The following PLCXD2 variants were observed in gnomAD, a reference collection of about 807,000 sequenced individuals.
PLCXD2 encodes the protein phosphatidylinositol specific phospholipase C X domain containing 2, also known as PI-PLC X domain-containing protein 2.
Under a neutral mutation model 28.6 loss-of-function variants are expected in PLCXD2, and 21 were observed. The ratio of observed to expected loss-of-function variants is 0.73; its 90% CI spans 0.52 to 1.06. The LOEUF (loss-of-function observed/expected upper bound fraction) is 1.06. Ranked by LOEUF, PLCXD2 falls within the 50% of genes least tolerant of loss-of-function variation. The pLI is 0.00. For missense variants in PLCXD2, 369 were observed against 376.7 expected, an observed-to-expected ratio of 0.98 and a Z score of 0.17; for synonymous variants, 140 against 150.1, an observed-to-expected ratio of 0.93 and a Z score of 0.49.
chr3:111,697,056 G>C (rs764294752), intron 1 of PLCXD2, among the ~76,000 whole-genome samples: 1 of 152,074 alleles, frequency 6.6e-6, no homozygotes, highest in Non-Finnish European at 1.5e-5. Flanking sequence ...TTTGGTAACC[G>C]AGAAGACCTT....
intron 2 of PLCXD2, among the ~76,000 whole-genome samples, chr3:111,710,206 C>G (rs942671308): frequency 6.6e-6 from 1 of 152,208 alleles, no homozygotes; most frequent in African/African-American, 2.4e-5. Flanking sequence ...TAAAGTCTAT[C>G]TAAACAAGTT....
At chr3:111,710,673 A>G (rs1395565620) in intron 2 of PLCXD2, among the ~76,000 whole-genome samples, 1 of 152,222 alleles carries the variant, frequency 6.6e-6, no homozygotes, top group East Asian at 1.9e-4. Context: ...TATTAGGCTA[A>G]TGAAATACTT....
chr3:111,711,330 G>A (rs1941197142), intron 2 of PLCXD2, among the ~76,000 whole-genome samples: 1 of 152,210 alleles, frequency 6.6e-6, no homozygotes, highest in African/African-American at 2.4e-5. Context: ...CTTGAACCCA[G>A]GAGGCAGAGG....
chr3:111,726,883 T>A (rs868801604), intron 3 of PLCXD2: 1 of 152,216 alleles, frequency 6.6e-6, no homozygotes, highest in Non-Finnish European at 1.5e-5. Flanking sequence ...AAATATACAA[T>A]TTTGGCAGGC....
At chr3:111,688,893 T>TTATA (rs540917284) in intron 1 of PLCXD2, among the ~76,000 whole-genome samples, 4 of 151,022 alleles carry the variant, frequency 2.6e-5, no homozygotes, top group Non-Finnish European at 5.9e-5. Context: ...AATAAATATG[T>TTATA]TATATATATA....
rs749792529 is a variant in PLCXD2, at chr3:111,675,472, G to A, written c.163+64G>A. ...TCTGCCATTTTAGTGTTGTTAAGGG[G>A]TTGGGTTGCTTTTCTATTGTGCTGA... On this transcript the variant is annotated intron_variant, in intron 1 of 4. Transcript: ENST00000477665. 10 of 1,585,046 alleles carry A rather than the reference G, an allele frequency of 6.3e-6. No individual in the cohort carries two copies. The Admixed American group carries it at 1.0e-4, about 16-fold the overall frequency.
At chr3:111,709,948 T>C (rs1941177314) in intron 2 of PLCXD2, among the ~76,000 whole-genome samples, 1 of 152,146 alleles carries the variant, frequency 6.6e-6, no homozygotes, top group Non-Finnish European at 1.5e-5. Flanking sequence ...GCAGGGGGAT[T>C]GGGCAGAAGT....
intron 2 of PLCXD2, among the ~76,000 whole-genome samples, chr3:111,711,265 A>T (rs1197497247): frequency 1.3e-5 from 2 of 152,142 alleles, no homozygotes; most frequent in East Asian, 3.9e-4. Context: ...TTAGCTGGGC[A>T]TGGTGGCACA....
At chr3:111,705,319 G>A (rs779268344) in intron 1 of PLCXD2, among the ~76,000 whole-genome samples, 3 of 152,242 alleles carry the variant, frequency 2.0e-5, no homozygotes, top group East Asian at 3.9e-4. Context: ...AGGCTTATTC[G>A]TGTTGCTGTG....
chr3:111,680,852 A>G (rs1047267412), intron 1 of PLCXD2, among the ~76,000 whole-genome samples: 2 of 152,190 alleles, frequency 1.3e-5, no homozygotes, highest in African/African-American at 4.8e-5. Context: ...TAATCTATGC[A>G]CCACCTCATT....
chr3:111,725,887 A>G, intron 3 of PLCXD2: 2 of 398,548 alleles, frequency 5.0e-6, no homozygotes, highest in Non-Finnish European at 8.8e-6. Flanking sequence ...TCTCCTGGCC[A>G]TTCTCCATCA....
intron 3 of PLCXD2, chr3:111,726,745 C>CT (rs1234287028): frequency 6.6e-6 from 1 of 152,116 alleles, no homozygotes; most frequent in African/African-American, 2.4e-5. Context: ...TTTGATTAAA[C>CT]TGCTTACTTC....
chr3:111,714,464 A>G (rs984503438), intron 3 of PLCXD2, among the ~76,000 whole-genome samples: 1 of 152,184 alleles, frequency 6.6e-6, no homozygotes, highest in Admixed American at 6.5e-5. Flanking sequence ...TGACCCAGGC[A>G]CTCATTTAAG....
At chr3:111,709,993 C>T (rs1451619989) in intron 2 of PLCXD2, among the ~76,000 whole-genome samples, 3 of 152,094 alleles carry the variant, frequency 2.0e-5, no homozygotes, top group Non-Finnish European at 4.4e-5. Context: ...GGCAAGTGGT[C>T]AGATTTTGCA....
At chr3:111,708,979 T>C (rs1013532708) in intron 2 of PLCXD2, among the ~76,000 whole-genome samples, 1 of 150,642 alleles carries the variant, frequency 6.6e-6, no homozygotes, top group Admixed American at 6.6e-5. Context: ...CCTAGGACCA[T>C]GAGGGACACG....
At chr3:111,726,821 G>A (rs896966018) in intron 3 of PLCXD2, 2 of 152,082 alleles carry the variant, frequency 1.3e-5, no homozygotes, top group Admixed American at 6.5e-5. Flanking sequence ...ATGACCTGAT[G>A]TGTTCTCTTG....
At chr3:111,706,290 A>G (rs1480222569) in intron 1 of PLCXD2, among the ~76,000 whole-genome samples, 2 of 152,218 alleles carry the variant, frequency 1.3e-5, no homozygotes. Context: ...TAAGATGAAT[A>G]GTTTGTAAAT....
At position 111,689,169 on chromosome 3, in the gene PLCXD2, G is replaced by A. The variant is rs374848770; in HGVS notation, c.163+13761G>A. Among the ~76,000 whole-genome samples the A allele has an allele frequency of 1.2e-4, 18 of 152,324 alleles. No individual in the cohort carries two copies. The East Asian group carries it at 1.3e-3, about 11-fold the overall frequency. Reference sequence around the variant, plus strand: ...TGCTTCAGGAGAAGAGCACCTGTGAGCTGGACTGTGAGAGACAGGGAGGAT... The same window carrying A: ...TGCTTCAGGAGAAGAGCACCTGTGAACTGGACTGTGAGAGACAGGGAGGAT... On this transcript the variant is annotated intron_variant, in intron 1 of 4. Transcript: ENST00000477665.
At chr3:111,713,553 G>A (rs1390473114) in intron 2 of PLCXD2, among the ~76,000 whole-genome samples, 1 of 152,084 alleles carries the variant, frequency 6.6e-6, no homozygotes, top group Non-Finnish European at 1.5e-5. Flanking sequence ...TTAATATATT[G>A]ATTGCTATAT....
Sources: allele counts gnomAD v4.1 joint callset (sites outside exome capture counted in the v4.1 genomes callset), GRCh38; gene constraint gnomAD v4.1.1; transcripts MANE v1.5; gene names NCBI Gene and HGNC (gene_info 2026-07-23, HGNC 2026-07-21).